The following ARHGEF3 variants were observed in gnomAD, a reference collection of about 807,000 sequenced individuals.
ARHGEF3 encodes 59.8 kDA protein.
In ARHGEF3, 28 loss-of-function variants were observed where a neutral mutation model predicts 63.2. The ratio of observed to expected loss-of-function variants is 0.44; its 90% confidence interval spans 0.33 to 0.61. The LOEUF (loss-of-function observed/expected upper bound fraction) is 0.61. ARHGEF3 is among the 20% of genes least tolerant of loss of function. The pLI is 0.03. For synonymous variants in ARHGEF3, 266 were observed against 254.2 expected (o/e 1.05, Z -0.44); for missense variants, 533 against 659.3 (o/e 0.81, Z 2.10).
At chr3:56,755,245 A>G in intron 2 of ARHGEF3, 94 bp from the exon 3 acceptor site, 2 of 1,373,688 alleles carry the variant, frequency 1.5e-6, no homozygotes, top group Non-Finnish European at 1.0e-6. Context: ...CATAAATCAT[A>G]TATGTGAAAG....
chr3:56,760,971 T>A (rs2035381807), intron 2 of ARHGEF3, among the ~76,000 whole-genome samples: 1 of 152,122 alleles, frequency 6.6e-6, no homozygotes, highest in South Asian at 2.1e-4. Context: ...AAGGGAGGAA[T>A]AAAGAATGCC....
chr3:56,967,405 TATTA>T (rs1413503493), intron 2 of ARHGEF3, among the ~76,000 whole-genome samples: 6 of 84,846 alleles, frequency 7.1e-5, no homozygotes, highest in East Asian at 6.8e-4. Context: ...TTATATAATA[TATTA>T]TATATTATAC....
chr3:56,933,394 CTTTTT>C (rs869041385), intron 3 of ARHGEF3, among the ~76,000 whole-genome samples: 4 of 132,908 alleles, frequency 3.0e-5, no homozygotes, highest in Admixed American at 7.5e-5. Context: ...TGTTTCTTTT[CTTTTT>C]TTTTTTTTTT....
chr3:57,012,251 G>A (rs1409417994), intron 2 of ARHGEF3, among the ~76,000 whole-genome samples: 3 of 152,112 alleles, frequency 2.0e-5, no homozygotes, highest in Admixed American at 1.3e-4. Context: ...GCCCTCTTTT[G>A]TTATTGTTGT....
intron 3 of ARHGEF3, among the ~76,000 whole-genome samples, chr3:56,919,395 C>A (rs1349549183): frequency 1.3e-5 from 2 of 151,922 alleles, no homozygotes; most frequent in South Asian, 2.1e-4. Flanking sequence ...TTATTTTTTT[C>A]AAAAATAGAA....
intron 3 of ARHGEF3, among the ~76,000 whole-genome samples, chr3:56,946,660 C>T (rs1160284300): frequency 6.6e-6 from 1 of 152,104 alleles, no homozygotes. Flanking sequence ...GTTGGTGTAC[C>T]TGAAAGTGAT....
intron 1 of ARHGEF3, chr3:57,074,353 C>A (rs1275377942): frequency 3.3e-5 from 41 of 1,235,792 alleles, no homozygotes; most frequent in Non-Finnish European, 4.6e-5. Context: ...CCATCCCCCA[C>A]CCCCACCAGG....
chr3:56,786,903 TA>T lies in ARHGEF3; in HGVS notation c.97-13088del, dbSNP rs35623334. On this transcript the variant is annotated intron_variant, in intron 1 of 9. Transcript: ENST00000296315. Reference sequence around the variant, plus strand: ...CTGTGATTTGGTTGTTGGGTTTTGTTAAAAAAAAAAAAAAAGTTGGCTAGCC... The same window carrying T: ...CTGTGATTTGGTTGTTGGGTTTTGTTAAAAAAAAAAAAAAGTTGGCTAGCC... Among the ~76,000 whole-genome samples the T allele has an allele frequency of 2.4e-3, 345 of 143,304 alleles. 1 individual carries two copies. Among genetic ancestry groups the T allele is most frequent in the Middle Eastern group, 3.5e-3 (1 of 284 alleles). 94.0% of individuals were successfully genotyped at this position (143,304 alleles called of 152,430 possible).
At chr3:57,027,784 G>A (rs908187946) in intron 2 of ARHGEF3, among the ~76,000 whole-genome samples, 1 of 152,068 alleles carries the variant, frequency 6.6e-6, no homozygotes, top group African/African-American at 2.4e-5. Flanking sequence ...GCTTGAACCT[G>A]GGAGGTGGAG....
chr3:57,073,061 A>G (rs1267292698), intron 1 of ARHGEF3, among the ~76,000 whole-genome samples: 1 of 152,120 alleles, frequency 6.6e-6, no homozygotes, highest in Non-Finnish European at 1.5e-5. Context: ...AAATAAATAA[A>G]AGAAAAAACA....
intron 4 of ARHGEF3, among the ~76,000 whole-genome samples, chr3:56,814,005 C>T (rs769814334): frequency 1.3e-4 from 20 of 152,148 alleles, no homozygotes; most frequent in Non-Finnish European, 2.6e-4. Context: ...CTTCCTTCCC[C>T]CAAATTAATT....
rs183841172 is a variant in ARHGEF3 at position 56,993,795 on chromosome 3, C to T, written c.63-34906G>A. Among the ~76,000 whole-genome samples, 710 of 149,486 alleles carry T rather than the reference C, an allele frequency of 4.7e-3. 16 individuals are homozygous for T. Among genetic ancestry groups the T allele is most frequent in the Admixed American group, 0.031 (472 of 15,026 alleles). ...ATGAAAGCACACTGTAGGCCAGGCG[C>T]GGTGGCTCACGCCTGTAATCCCAGC... is the stretch of plus-strand genomic sequence containing the variant. On this transcript the variant is annotated intron_variant, in intron 2 of 12. Coordinates refer to the ARHGEF3 transcript ENST00000338458.
At chr3:56,812,514 T>C (rs2038104256) in intron 4 of ARHGEF3, among the ~76,000 whole-genome samples, 1 of 152,260 alleles carries the variant, frequency 6.6e-6, no homozygotes, top group African/African-American at 2.4e-5. Context: ...GCCCTTTTCC[T>C]TCCCTTTAAA....
intron 2 of ARHGEF3, among the ~76,000 whole-genome samples, chr3:57,029,016 C>CACACACACACACACACA (rs1579123404): frequency 6.6e-6 from 1 of 150,802 alleles, no homozygotes; most frequent in Non-Finnish European, 1.5e-5. Context: ...CACACACACA[C>CACACACACACACACACA]CTCCCAAAAT....
intron 2 of ARHGEF3, among the ~76,000 whole-genome samples, chr3:56,992,393 A>C (rs1243375219): frequency 4.4e-5 from 5 of 113,758 alleles, no homozygotes; most frequent in African/African-American, 9.1e-5. Context: ...AAAAAAAAAA[A>C]AAAAAAAAAA....
intron 4 of ARHGEF3, among the ~76,000 whole-genome samples, chr3:56,840,589 A>C (rs1322232901): frequency 6.6e-6 from 1 of 152,216 alleles, no homozygotes; most frequent in Admixed American, 6.5e-5. Context: ...TAAGCACCAT[A>C]AACAATCAAC....
chr3:56,991,736 T>A (rs959552186), intron 2 of ARHGEF3, among the ~76,000 whole-genome samples: 4 of 152,108 alleles, frequency 2.6e-5, no homozygotes, highest in Non-Finnish European at 5.9e-5. Flanking sequence ...CACCTCCGCC[T>A]CCCGAGTAGC....
rs144001795 is a variant in ARHGEF3 at position 57,071,923 on chromosome 3, TAA to T, written c.-28+7301_-28+7302del. ...ATAAAGAACACTTACAACTCAATAA[TAA>T]AGAGACATATAATCCAATTTAAAAA... On this transcript the variant is annotated intron_variant, in intron 1 of 12. Coordinates refer to the ARHGEF3 transcript ENST00000338458. Among the ~76,000 whole-genome samples the T allele has an allele frequency of 4.8e-3, 735 of 152,130 alleles. 5 individuals carry two copies. The highest frequency in any genetic ancestry group is 0.016 in the African/African-American group (685 of 41,520).
intron 2 of ARHGEF3, among the ~76,000 whole-genome samples, chr3:56,760,261 G>A (rs148633572): frequency 1.3e-4 from 20 of 152,050 alleles, no homozygotes; most frequent in African/African-American, 4.6e-4. Context: ...AGTACACTTT[G>A]CTCACACTCT....
Sources: allele counts gnomAD v4.1 joint callset (sites outside exome capture counted in the v4.1 genomes callset), GRCh38; gene constraint gnomAD v4.1.1; transcripts MANE v1.5; gene names NCBI Gene and HGNC (gene_info 2026-07-23, HGNC 2026-07-21).